CCDC171: variants seen among roughly 807,000 people sequenced by gnomAD.
The protein encoded by CCDC171 is coiled-coil domain-containing protein 171.
In CCDC171, 177 loss-of-function variants were observed where a neutral mutation model predicts 168.2. The ratio of observed to expected loss-of-function variants is 1.05; its 90% confidence interval spans 0.93 to 1.19. The LOEUF (loss-of-function observed/expected upper bound fraction) is 1.19, where lower values mean the gene tolerates loss of function less well. Among genes scored for constraint, CCDC171 ranks in the 50% most tolerant of loss-of-function variants. CCDC171 has a pLI of 0.00. For synonymous variants in CCDC171, 687 were observed against 540.8 expected (o/e 1.27, Z -3.75); for missense variants, 1,991 against 1,539.0 (o/e 1.29, Z -4.91).
At chr9:15,911,977 C>T (rs1456520782) in intron 24 of CCDC171, among the ~76,000 whole-genome samples, 4 of 151,992 alleles carry the variant, frequency 2.6e-5, no homozygotes, top group Non-Finnish European at 5.9e-5. Context: ...GAAGTCAGGT[C>T]GTGTGATCCC....
chr9:15,735,175 C>G (rs1003433576), intron 16 of CCDC171, among the ~76,000 whole-genome samples: 1 of 152,134 alleles, frequency 6.6e-6, no homozygotes. Flanking sequence ...AGAAGGCAGA[C>G]TGGTTTTACT....
At chr9:15,919,594 C>G (rs1825025008) in intron 24 of CCDC171, among the ~76,000 whole-genome samples, 1 of 151,506 alleles carries the variant, frequency 6.6e-6, no homozygotes, top group Admixed American at 6.6e-5. Flanking sequence ...TTACAAATTG[C>G]TTTAGAAGAA....
At chr9:15,692,628 C>A (rs528582803) in intron 10 of CCDC171, among the ~76,000 whole-genome samples, 3 of 150,972 alleles carry the variant, frequency 2.0e-5, no homozygotes, top group South Asian at 4.2e-4. Flanking sequence ...CCTGGGTTCA[C>A]GCCATTCTCC....
At position 15,784,510 on chromosome 9, in the gene CCDC171, A is replaced by G; in HGVS notation, c.3083A>G (p.Lys1028Arg). The stretch of plus-strand genomic sequence containing the variant: ...TCTCCCCTCTCCTCCTTTTTACAGA[A>G]ATTGATCACCCATGAGAAGTTTGAA... Reference protein sequence around the residue: ...QMQLNEFKQSKLITHEKFESA... With the variant: ...QMQLNEFKQSRLITHEKFESA... The change falls in exon 21 of 26, where the codon AAA becomes AGA. Residue 1028 changes from lysine (K) to arginine (R), a missense_variant and splice_region_variant. By Grantham distance (26) the Lys-to-Arg change is conservative (BLOSUM62 2). Transcript: ENST00000380701. The G allele has an allele frequency of 1.2e-6, 2 of 1,606,914 alleles. No homozygotes were observed. The highest frequency in any genetic ancestry group is 1.7e-6 in the Non-Finnish European group (2 of 1,175,290).
At chr9:15,845,187 C>G (rs2060843104) in intron 21 of CCDC171, among the ~76,000 whole-genome samples, 1 of 151,962 alleles carries the variant, frequency 6.6e-6, no homozygotes, top group Non-Finnish European at 1.5e-5. Context: ...GTGTCTTTAT[C>G]TTAGCATTGG....
chr9:15,990,982 C>T (rs1282514500), intron 3 of CCDC171, among the ~76,000 whole-genome samples: 1 of 152,164 alleles, frequency 6.6e-6, no homozygotes, highest in African/African-American at 2.4e-5. Flanking sequence ...TAATGGGAGA[C>T]TTTAACACCC....
chr9:15,930,279 A>G (rs986186069), intron 25 of CCDC171, among the ~76,000 whole-genome samples: 11 of 151,628 alleles, frequency 7.3e-5, no homozygotes, highest in Non-Finnish European at 1.6e-4. Context: ...AAACTGTTTT[A>G]TATTATTCTG....
intron 23 of CCDC171, among the ~76,000 whole-genome samples, chr9:15,873,333 A>C (rs1817427303): frequency 6.6e-6 from 1 of 152,034 alleles, no homozygotes; most frequent in Non-Finnish European, 1.5e-5. Context: ...TGGAGGAGAA[A>C]TTTTCTATCT....
chr9:15,913,132 T>G (rs1297252132), intron 24 of CCDC171, among the ~76,000 whole-genome samples: 1 of 152,240 alleles, frequency 6.6e-6, no homozygotes, highest in African/African-American at 2.4e-5. Flanking sequence ...CTTTTTGTAC[T>G]TCTGATAGAA....
At chr9:16,088,939 C>A in the CCDC171 span, among the ~76,000 whole-genome samples, 1 of 152,144 alleles carries the variant, frequency 6.6e-6, no homozygotes, top group African/African-American at 2.4e-5. Flanking sequence ...CTGGAGGCAT[C>A]TTGCTACCTG....
At chr9:15,824,972 T>TTACCTAGAGAAGTAATATTATTGA (rs1380149754) in intron 21 of CCDC171, among the ~76,000 whole-genome samples, 1 of 152,114 alleles carries the variant, frequency 6.6e-6, no homozygotes, top group African/African-American at 2.4e-5. Flanking sequence ...TGCATTTATT[T>TTACCTAGAGAAGTAATATTATTGA]TACCTAGAGA....
intron 6 of CCDC171, among the ~76,000 whole-genome samples, chr9:16,033,936 GA>G (rs2133044958): frequency 6.6e-6 from 1 of 152,334 alleles, no homozygotes; most frequent in Admixed American, 6.5e-5. Context: ...CTCAAGGGAG[GA>G]GGGGAGTGGA....
At chr9:15,708,991 T>G (rs774914182) in intron 11 of CCDC171, among the ~76,000 whole-genome samples, 1 of 152,140 alleles carries the variant, frequency 6.6e-6, no homozygotes, top group Non-Finnish European at 1.5e-5. Flanking sequence ...TAAGGAAAAC[T>G]AAATAGAATT....
intron 21 of CCDC171, among the ~76,000 whole-genome samples, chr9:15,822,062 G>T (rs1465452641): frequency 6.6e-6 from 1 of 152,154 alleles, no homozygotes; most frequent in Non-Finnish European, 1.5e-5. Context: ...TGACAAACCT[G>T]AGAAAAACAA....
At position 15,661,415 on chromosome 9, in the gene CCDC171, ATAGT is replaced by A. The variant is rs966897370; in HGVS notation, c.915+4199_915+4202del. Among the ~76,000 whole-genome samples, 55 of 152,280 alleles carry A rather than the reference ATAGT, an allele frequency of 3.6e-4. 1 individual carries two copies. The highest frequency in any genetic ancestry group is 1.8e-3 in the Admixed American group (27 of 15,298). ...AGTTGTGATACATCCCTGGGAATAT[ATAGT>A]TAATTACTATAAATAAGAAAATTAT... is the stretch of plus-strand genomic sequence containing the variant. On this transcript the variant is annotated intron_variant, in intron 8 of 25. Coordinates refer to ENST00000380701, the MANE Select transcript of CCDC171 (RefSeq NM_173550.4).
chr9:15,629,095 A>G (rs1315611067), intron 7 of CCDC171, among the ~76,000 whole-genome samples: 4 of 152,154 alleles, frequency 2.6e-5, no homozygotes, highest in African/African-American at 9.7e-5. Context: ...ACAGAGCAGA[A>G]AAACTGGAAA....
intron 3 of CCDC171, 101 bp downstream of exon 3, chr9:15,571,860 A>G (rs1317108277): frequency 1.9e-6 from 2 of 1,034,396 alleles, no homozygotes; most frequent in South Asian, 3.4e-5. Context: ...TAACTATACC[A>G]TTCTTGGGCT....
chr9:16,101,454 T>A, the CCDC171 span, among the ~76,000 whole-genome samples: 66 of 152,236 alleles, frequency 4.3e-4, no homozygotes, highest in African/African-American at 1.5e-3. Context: ...TACCCCAAAG[T>A]GTAGGTGAAA....
chr9:15,618,858 T>G (rs1214330721), intron 6 of CCDC171, among the ~76,000 whole-genome samples: 2 of 151,478 alleles, frequency 1.3e-5, no homozygotes, highest in African/African-American at 4.8e-5. Context: ...CCAGTCCCAG[T>G]GAGATGAACT....
Sources: allele counts gnomAD v4.1 joint callset (sites outside exome capture counted in the v4.1 genomes callset), GRCh38; gene constraint gnomAD v4.1.1; transcripts MANE v1.5; gene names NCBI Gene and HGNC (gene_info 2026-07-23, HGNC 2026-07-21).